The following THSD7B variants were observed in gnomAD, a reference collection of about 807,000 sequenced individuals.
THSD7B encodes the protein thrombospondin type-1 domain-containing protein 7B.
In THSD7B, 138 loss-of-function variants were observed where a neutral mutation model predicts 213.6. The observed-to-expected ratio is 0.65, with a 90% CI of 0.56 to 0.74. The LOEUF (loss-of-function observed/expected upper bound fraction) is 0.74. THSD7B is among the 30% of genes least tolerant of loss of function. THSD7B has a pLI of 0.00. For missense variants in THSD7B, 1,931 were observed against 1,991.5 expected (o/e 0.97, Z 0.58); for synonymous variants, 742 against 687.0 (o/e 1.08, Z -1.25).
intron 6 of THSD7B, among the ~76,000 whole-genome samples, 161 bp downstream of exon 6, chr2:137,160,529 A>G (rs1374156834): frequency 3.3e-5 from 5 of 152,216 alleles, no homozygotes; most frequent in African/African-American, 1.2e-4. Flanking sequence ...GGCAACTGGG[A>G]CATTTCTGTG....
Position 136,964,560 on chromosome 2 carries a change from G to A in THSD7B, c.139+82243G>A, listed in dbSNP as rs530711048. 5.9e-5 allele frequency among the ~76,000 whole-genome samples: 9 copies of A among 151,894 alleles called. No individual in the cohort carries two copies. The South Asian group carries it at 8.3e-4, about 14-fold the overall frequency. On this transcript the variant is annotated intron_variant, in intron 2 of 27. Coordinates refer to ENST00000409968, the MANE Select transcript of THSD7B (RefSeq NM_001316349.2). ...TTTATTAACTACCCTCTTTTTTTGCGTTATCAACACATTTTCTCCCTACTT... is the reference window on the plus strand; with the variant it reads ...TTTATTAACTACCCTCTTTTTTTGCATTATCAACACATTTTCTCCCTACTT...
intron 14 of THSD7B, 99 bp downstream of exon 14, chr2:137,411,971 G>A: frequency 7.2e-7 from 1 of 1,380,286 alleles, no homozygotes; most frequent in East Asian, 2.5e-5. Context: ...TATAATAATT[G>A]TTTTAATTTT....
intron 1 of THSD7B, among the ~76,000 whole-genome samples, chr2:136,791,410 A>G (rs902696611): frequency 6.6e-6 from 1 of 151,984 alleles, no homozygotes; most frequent in Non-Finnish European, 1.5e-5. Context: ...TTTAAAACGT[A>G]CAATACAATG....
At chr2:136,792,961 A>G (rs1238808106) in intron 1 of THSD7B, among the ~76,000 whole-genome samples, 1 of 151,980 alleles carries the variant, frequency 6.6e-6, no homozygotes, top group Admixed American at 6.6e-5. Flanking sequence ...TTGTCTTGAT[A>G]TGTCACAGTT....
At chr2:137,099,620 C>T (rs887021199) in intron 4 of THSD7B, among the ~76,000 whole-genome samples, 6 of 152,184 alleles carry the variant, frequency 3.9e-5, no homozygotes, top group African/African-American at 1.2e-4. Flanking sequence ...GCAACTCCTA[C>T]GACCCCACTG....
chr2:137,591,241 T>C (rs1681859113), intron 17 of THSD7B, among the ~76,000 whole-genome samples: 1 of 151,924 alleles, frequency 6.6e-6, no homozygotes, highest in Non-Finnish European at 1.5e-5. Context: ...TTTTTCCAAC[T>C]AGAATAAAAT....
intron 1 of THSD7B, among the ~76,000 whole-genome samples, chr2:136,880,292 C>T (rs1573685699): frequency 6.6e-6 from 1 of 152,160 alleles, no homozygotes; most frequent in Non-Finnish European, 1.5e-5. Flanking sequence ...CTAGGAAGCT[C>T]ATAGTCAGAT....
intron 3 of THSD7B, among the ~76,000 whole-genome samples, chr2:137,064,693 CAT>C (rs1687343438): frequency 6.6e-6 from 1 of 151,802 alleles, no homozygotes; most frequent in South Asian, 2.1e-4. Context: ...TATGGTGAGA[CAT>C]AGGGGTCTAG....
intron 12 of THSD7B, among the ~76,000 whole-genome samples, chr2:137,299,612 G>A (rs1162651219): frequency 1.3e-5 from 2 of 152,034 alleles, no homozygotes; most frequent in Non-Finnish European, 2.9e-5. Context: ...ACATGTTAGT[G>A]CAGTTACCAG....
intron 17 of THSD7B, among the ~76,000 whole-genome samples, chr2:137,614,370 T>C (rs1161767368): frequency 1.3e-5 from 2 of 152,112 alleles, no homozygotes; most frequent in Admixed American, 6.6e-5. Context: ...AGTAATTTGA[T>C]TGATGTGTGT....
chr2:137,432,224 C>A (rs934009120), intron 14 of THSD7B, among the ~76,000 whole-genome samples: 1 of 152,072 alleles, frequency 6.6e-6, no homozygotes, highest in African/African-American at 2.4e-5. Context: ...AACCCCGTTT[C>A]TACTAAAATC....
intron 15 of THSD7B, among the ~76,000 whole-genome samples, chr2:137,540,994 G>T (rs1680600218): frequency 6.6e-6 from 1 of 151,580 alleles, no homozygotes; most frequent in Non-Finnish European, 1.5e-5. Context: ...GAAAACAAAG[G>T]CAGTTTTAAA....
chr2:137,070,783 A>G (rs1687469244), intron 3 of THSD7B, among the ~76,000 whole-genome samples: 1 of 151,946 alleles, frequency 6.6e-6, no homozygotes, highest in Admixed American at 6.6e-5. Flanking sequence ...TCATTGTTCA[A>G]TTCCCACCTA....
At chr2:137,382,299 C>T (rs1005096522) in intron 12 of THSD7B, among the ~76,000 whole-genome samples, 7 of 152,228 alleles carry the variant, frequency 4.6e-5, no homozygotes, top group African/African-American at 1.7e-4. Context: ...CAACACTCCT[C>T]TTGCCTGAGA....
intron 27 of THSD7B, among the ~76,000 whole-genome samples, chr2:137,675,818 G>C (rs923137989): frequency 3.3e-5 from 5 of 152,106 alleles, no homozygotes; most frequent in African/African-American, 1.2e-4. Flanking sequence ...TTAAGTGGCA[G>C]AATTAAAGGT....
chr2:137,352,510 C>T (rs1175470553), intron 12 of THSD7B, among the ~76,000 whole-genome samples: 1 of 152,014 alleles, frequency 6.6e-6, no homozygotes, highest in Non-Finnish European at 1.5e-5. Flanking sequence ...CTTATAGACT[C>T]TTTAATCAGT....
chr2:137,657,357 A>G (rs1419942362), intron 24 of THSD7B, among the ~76,000 whole-genome samples, 197 bp downstream of exon 24: 1 of 152,222 alleles, frequency 6.6e-6, no homozygotes, highest in African/African-American at 2.4e-5. Context: ...AAAAATATCA[A>G]ACAACTTAAA....
At chr2:137,206,134 T>A (rs1320834014) in intron 7 of THSD7B, among the ~76,000 whole-genome samples, 1 of 151,960 alleles carries the variant, frequency 6.6e-6, no homozygotes, top group African/African-American at 2.4e-5. Context: ...GAGTATTTGA[T>A]TTTTAGTGGG....
At chr2:137,478,031 T>A (rs751145818) in intron 15 of THSD7B, among the ~76,000 whole-genome samples, 5 of 152,138 alleles carry the variant, frequency 3.3e-5, no homozygotes, top group Admixed American at 2.6e-4. Context: ...TTCTTTTTTG[T>A]TTGACGTTTG....
Sources: allele counts gnomAD v4.1 joint callset (sites outside exome capture counted in the v4.1 genomes callset), GRCh38; gene constraint gnomAD v4.1.1; transcripts MANE v1.5; gene names NCBI Gene and HGNC (gene_info 2026-07-23, HGNC 2026-07-21).